EEFSEC: variants seen among roughly 807,000 people sequenced by gnomAD.
The protein encoded by EEFSEC is selenocysteine-specific elongation factor.
A neutral mutation model predicts 42.1 loss-of-function variants in EEFSEC; 43 were observed. That is an observed-to-expected ratio of 1.02 (90% CI 0.80 to 1.32). The LOEUF (loss-of-function observed/expected upper bound fraction) is 1.32. Ranked by LOEUF, EEFSEC falls within the 40% of genes most tolerant of loss-of-function variation. The pLI, the probability that EEFSEC is intolerant of heterozygous loss-of-function variation, is 0.00. For missense variants in EEFSEC, 745 were observed against 803.6 expected (o/e 0.93, Z 0.88); for synonymous variants, 354 against 339.1 (o/e 1.04, Z -0.48).
intron 6 of EEFSEC, among the ~76,000 whole-genome samples, chr3:128,363,442 G>A (rs1201252813): frequency 1.3e-5 from 2 of 152,228 alleles, no homozygotes; most frequent in African/African-American, 2.4e-5. Flanking sequence ...GGCTGGGGGT[G>A]AGGCACTGAA....
At chr3:128,316,150 GTATT>G (rs1183354828) in intron 4 of EEFSEC, among the ~76,000 whole-genome samples, 1 of 152,174 alleles carries the variant, frequency 6.6e-6, no homozygotes, top group Admixed American at 6.5e-5. Context: ...AAAGAGCGTG[GTATT>G]TATTCAGTTA....
At chr3:128,211,524 C>CTT (rs1272651525) in intron 1 of EEFSEC, among the ~76,000 whole-genome samples, 3 of 146,556 alleles carry the variant, frequency 2.0e-5, no homozygotes, top group African/African-American at 2.5e-5. Context: ...ACATATACTT[C>CTT]TTTTTTTTTT....
At chr3:128,190,770 A>C (rs2065515706) in intron 1 of EEFSEC, among the ~76,000 whole-genome samples, 1 of 152,196 alleles carries the variant, frequency 6.6e-6, no homozygotes, top group Admixed American at 6.5e-5. Context: ...TAAGTACTCT[A>C]TACAGGGGTA....
chr3:128,221,629 C>T (rs766137974), intron 1 of EEFSEC, among the ~76,000 whole-genome samples: 1 of 152,146 alleles, frequency 6.6e-6, no homozygotes, highest in Non-Finnish European at 1.5e-5. Context: ...TACAGTTGCA[C>T]ACATGTGCAA....
At chr3:128,189,396 C>T (rs1041630604) in intron 1 of EEFSEC, among the ~76,000 whole-genome samples, 2 of 152,268 alleles carry the variant, frequency 1.3e-5, no homozygotes, top group East Asian at 3.9e-4. Context: ...GAGCAGGTTA[C>T]TCAGGTGTTT....
chr3:128,207,106 A>G (rs954663647), intron 1 of EEFSEC, among the ~76,000 whole-genome samples: 4 of 152,156 alleles, frequency 2.6e-5, no homozygotes, highest in Non-Finnish European at 4.4e-5. Flanking sequence ...TTAATTCTGA[A>G]CCATCTAACC....
chr3:128,282,306 G>A lies in EEFSEC; in HGVS notation c.786+17525G>A, dbSNP rs530249073. 9.8e-5 allele frequency among the ~76,000 whole-genome samples: 15 copies of A among 152,318 alleles called. 1 individual carries two copies. Among genetic ancestry groups the A allele is most frequent in the African/African-American group, 3.1e-4 (13 of 41,586 alleles). ...AGCCTCCTTCCCTGCTGCCGGCCTC[G>A]GTTCACAGGGAGCCCTTTGAGGGGC... On this transcript the variant is annotated intron_variant, in intron 4 of 6. Transcript: ENST00000254730.
chr3:128,273,551 GT>G (rs759887719), intron 4 of EEFSEC, among the ~76,000 whole-genome samples: 1 of 152,206 alleles, frequency 6.6e-6, no homozygotes, highest in Non-Finnish European at 1.5e-5. Flanking sequence ...CTGAGAATCT[GT>G]TGCAGCTAGA....
At chr3:128,253,270 C>T (rs1033455706) in intron 2 of EEFSEC, among the ~76,000 whole-genome samples, 5 of 152,192 alleles carry the variant, frequency 3.3e-5, no homozygotes, top group South Asian at 4.1e-4. Flanking sequence ...AGGCTCAGGG[C>T]GTGGAAGCAG....
the EEFSEC span, among the ~76,000 whole-genome samples, chr3:128,423,660 C>T: frequency 6.6e-6 from 1 of 152,128 alleles, no homozygotes; most frequent in Non-Finnish European, 1.5e-5. Flanking sequence ...AGTAGATTTG[C>T]CAAGGCCTGG....
downstream of EEFSEC, among the ~76,000 whole-genome samples, chr3:128,413,599 A>G (rs919542454): frequency 1.3e-5 from 2 of 152,138 alleles, no homozygotes; most frequent in Admixed American, 6.5e-5. Context: ...CTCAGTCCCC[A>G]CGTGCTCCCC....
chr3:128,322,630 G>A (rs1418715977), intron 4 of EEFSEC, among the ~76,000 whole-genome samples: 1 of 152,244 alleles, frequency 6.6e-6, no homozygotes, highest in Non-Finnish European at 1.5e-5. Context: ...GAACATGTGA[G>A]ATTGTGAGCC....
intron 1 of EEFSEC, among the ~76,000 whole-genome samples, chr3:128,212,152 C>T (rs544368882): frequency 6.6e-6 from 1 of 152,298 alleles, no homozygotes; most frequent in African/African-American, 2.4e-5. Context: ...TGAGCCACTG[C>T]GCCCAGCCAG....
intron 1 of EEFSEC, among the ~76,000 whole-genome samples, chr3:128,232,725 AC>A (rs2065971169): frequency 6.6e-6 from 1 of 152,198 alleles, no homozygotes; most frequent in Non-Finnish European, 1.5e-5. Flanking sequence ...CGGGAGTTGT[AC>A]TGTTGTGCAA....
chr3:128,282,525 G>A lies in EEFSEC; in HGVS notation c.786+17744G>A, dbSNP rs140541342. Among the ~76,000 whole-genome samples the A allele has an allele frequency of 8.5e-5, 13 of 152,320 alleles. No individual in the cohort carries two copies. In the East Asian group the frequency reaches 1.3e-3, roughly 16 times the overall value. ...GCAGACCCACATGTTGACACGCACT[G>A]GAGCTGCTTGCCAGGACACGTGCAC... On this transcript the variant is annotated intron_variant, in intron 4 of 6. Coordinates refer to ENST00000254730, the MANE Select transcript of EEFSEC (RefSeq NM_021937.5).
chr3:128,419,956 A>G, the EEFSEC span, among the ~76,000 whole-genome samples: 1 of 151,906 alleles, frequency 6.6e-6, no homozygotes, highest in African/African-American at 2.4e-5. Context: ...CCGCAGCGGG[A>G]GGGGGGACAG....
chr3:128,348,293 CGTGT>C (rs760753689), intron 5 of EEFSEC, among the ~76,000 whole-genome samples: 2 of 135,596 alleles, frequency 1.5e-5, no homozygotes, highest in Non-Finnish European at 3.1e-5. Context: ...TGTGTGTGTG[CGTGT>C]GTGTGTGTGT....
chr3:128,220,949 C>T (rs1177685224), intron 1 of EEFSEC, among the ~76,000 whole-genome samples: 1 of 151,888 alleles, frequency 6.6e-6, no homozygotes, highest in Admixed American at 6.5e-5. Context: ...CAACACAACT[C>T]TGTTTATATT....
chr3:128,190,924 G>A (rs763041251), intron 1 of EEFSEC, among the ~76,000 whole-genome samples: 2 of 152,074 alleles, frequency 1.3e-5, no homozygotes, highest in Non-Finnish European at 2.9e-5. Flanking sequence ...TCGCCTGGGG[G>A]TATTTTTTTT....
Sources: allele counts gnomAD v4.1 joint callset (sites outside exome capture counted in the v4.1 genomes callset), GRCh38; gene constraint gnomAD v4.1.1; transcripts MANE v1.5; gene names NCBI Gene and HGNC (gene_info 2026-07-23, HGNC 2026-07-21).